DNAH14: variants seen among roughly 807,000 people sequenced by gnomAD.
DNAH14 encodes the protein dynein axonemal heavy chain 14.
Under a neutral mutation model 520.9 loss-of-function variants are expected in DNAH14, and 478 were observed. The ratio of observed to expected loss-of-function variants is 0.92; its 90% CI spans 0.85 to 0.99. DNAH14 has a LOEUF of 0.99. DNAH14 is among the 50% of genes least tolerant of loss of function. DNAH14 has a pLI of 0.00. For missense variants in DNAH14, 4,831 were observed against 5,234.5 expected (o/e 0.92, Z 2.38); for synonymous variants, 1,581 against 1,757.2 (o/e 0.90, Z 2.51).
intron 13 of DNAH14, 56 bp downstream of exon 13, chr1:225,043,170 C>T (rs2067631826): frequency 1.4e-6 from 2 of 1,477,174 alleles, no homozygotes; most frequent in Non-Finnish European, 1.8e-6. Flanking sequence ...TGGCTCATGC[C>T]TGCAATCCTG....
chr1:225,342,524 A>G (rs2095209383), intron 69 of DNAH14, among the ~76,000 whole-genome samples: 1 of 152,144 alleles, frequency 6.6e-6, no homozygotes, highest in Non-Finnish European at 1.5e-5. Context: ...ATCTTTTCTT[A>G]TAACCTTAGA....
At chr1:225,325,611 A>C (rs2094646698) in intron 64 of DNAH14, among the ~76,000 whole-genome samples, 1 of 152,164 alleles carries the variant, frequency 6.6e-6, no homozygotes, top group African/African-American at 2.4e-5. Flanking sequence ...TATCATTATG[A>C]GAACTGGAAC....
chr1:225,202,750 G>A (rs548346335), intron 38 of DNAH14, among the ~76,000 whole-genome samples: 9 of 152,182 alleles, frequency 5.9e-5, no homozygotes, highest in Non-Finnish European at 1.3e-4. Flanking sequence ...TGAGCTAGAG[G>A]TTTTCTTCTC....
intron 26 of DNAH14, among the ~76,000 whole-genome samples, chr1:225,119,616 G>T (rs2077139366): frequency 6.6e-6 from 1 of 152,104 alleles, no homozygotes; most frequent in Non-Finnish European, 1.5e-5. Context: ...GCTCAGTAGG[G>T]CTCCCGTTTG....
intron 36 of DNAH14, among the ~76,000 whole-genome samples, chr1:225,182,289 A>G (rs2084129666): frequency 6.6e-6 from 1 of 152,206 alleles, no homozygotes; most frequent in South Asian, 2.1e-4. Context: ...CAGTAAGGAA[A>G]AGTCTTGGAA....
chr1:224,943,210 C>T (rs2059548388), intron 1 of DNAH14, among the ~76,000 whole-genome samples: 1 of 152,172 alleles, frequency 6.6e-6, no homozygotes, highest in South Asian at 2.1e-4. Flanking sequence ...AGAGATTCAA[C>T]TTCTTCCTGG....
chr1:225,214,063 T>C (rs1329066573), intron 41 of DNAH14, among the ~76,000 whole-genome samples: 1 of 152,186 alleles, frequency 6.6e-6, no homozygotes, highest in Non-Finnish European at 1.5e-5. Context: ...ATAACTCTTA[T>C]TATTTTGAGA....
intron 49 of DNAH14, among the ~76,000 whole-genome samples, chr1:225,268,641 A>C (rs186509320): frequency 4.2e-4 from 64 of 152,350 alleles, no homozygotes; most frequent in Middle Eastern, 6.8e-3. Context: ...CTCAGGATAC[A>C]AAATCACTGT....
intron 27 of DNAH14, among the ~76,000 whole-genome samples, chr1:225,135,052 C>A (rs1449454202): frequency 1.3e-5 from 2 of 151,802 alleles, no homozygotes; most frequent in African/African-American, 2.4e-5. Flanking sequence ...TTATTTGATT[C>A]TTCTGTCTTT....
chr1:225,066,199 T>C (rs773284825), intron 17 of DNAH14, among the ~76,000 whole-genome samples: 36 of 152,060 alleles, frequency 2.4e-4, no homozygotes, highest in Non-Finnish European at 4.4e-4. Context: ...GTTTGTTTTC[T>C]TTCTGTAAAG....
intron 54 of DNAH14, among the ~76,000 whole-genome samples, chr1:225,282,675 AG>A (rs948162201): frequency 2.0e-5 from 3 of 152,242 alleles, no homozygotes; most frequent in African/African-American, 4.8e-5. Flanking sequence ...TGCCTCAGAA[AG>A]ATGAGAGGGC....
Position 225,010,852 on chromosome 1 carries a change from A to G in DNAH14, c.1107+3308A>G, listed in dbSNP as rs567286841. On this transcript the variant is annotated intron_variant, in intron 10 of 85. Coordinates refer to ENST00000682510, the MANE Select transcript of DNAH14 (RefSeq NM_001367479.1). ...GCTGTATGTGTCCAGGAATTTATCC[A>G]TTTCCTCTAGATTTTCTATTTTATT... Among the ~76,000 whole-genome samples, 112 of 152,012 alleles carry G rather than the reference A, an allele frequency of 7.4e-4. 1 individual carries two copies. The highest frequency in any genetic ancestry group is 2.7e-3 in the African/African-American group (110 of 41,492).
chr1:225,384,009 C>T (rs2095809865), intron 81 of DNAH14, among the ~76,000 whole-genome samples: 1 of 152,146 alleles, frequency 6.6e-6, no homozygotes, highest in African/African-American at 2.4e-5. Context: ...AGTAGTCATT[C>T]AGGAGCAGGA....
intron 23 of DNAH14, among the ~76,000 whole-genome samples, chr1:225,105,429 C>G (rs962345271): frequency 6.6e-6 from 1 of 152,082 alleles, no homozygotes; most frequent in African/African-American, 2.4e-5. Flanking sequence ...GAGTTCAATT[C>G]CTGGATATCC....
intron 11 of DNAH14, among the ~76,000 whole-genome samples, chr1:225,036,918 T>G (rs1270302126): frequency 1.3e-5 from 2 of 152,076 alleles, no homozygotes. Flanking sequence ...GTTGGGTACA[T>G]GTATATTTAC....
intron 52 of DNAH14, among the ~76,000 whole-genome samples, chr1:225,275,572 G>A (rs1461176142): frequency 6.6e-6 from 1 of 152,154 alleles, no homozygotes; most frequent in Non-Finnish European, 1.5e-5. Flanking sequence ...TCAGACTGTT[G>A]CTGGAACTAC....
At chr1:225,340,026 T>C (rs533843427) in intron 68 of DNAH14, among the ~76,000 whole-genome samples, 13 of 150,374 alleles carry the variant, frequency 8.6e-5, no homozygotes, top group Non-Finnish European at 1.6e-4. Flanking sequence ...ATACAATTAA[T>C]CCATGTAGCT....
chr1:224,944,498 G>T (rs950621518), intron 1 of DNAH14, among the ~76,000 whole-genome samples: 1 of 148,228 alleles, frequency 6.7e-6, no homozygotes, highest in Non-Finnish European at 1.5e-5. Context: ...TACATTTCAG[G>T]TTAATATCGT....
Position 225,104,265 on chromosome 1 carries a change from T to A in DNAH14, c.3867+3381T>A, listed in dbSNP as rs1158025345. On this transcript the variant is annotated intron_variant, in intron 23 of 85. Transcript: ENST00000682510. The stretch of plus-strand genomic sequence containing the variant: ...TGATCATGGTGGAGAAGCTTTTTGA[T>A]GTGCTGCTGGATTCGGTTTACCAGT... Among the ~76,000 whole-genome samples, 4 of 152,222 alleles carry A rather than the reference T, an allele frequency of 2.6e-5. 1 individual carries two copies. Among genetic ancestry groups the A allele is most frequent in the Non-Finnish European group, 5.9e-5 (4 of 68,038 alleles).
Sources: allele counts gnomAD v4.1 joint callset (sites outside exome capture counted in the v4.1 genomes callset), GRCh38; gene constraint gnomAD v4.1.1; transcripts MANE v1.5; gene names NCBI Gene and HGNC (gene_info 2026-07-23, HGNC 2026-07-21).